Variants in CCDC88C observed in about 807,000 individuals in gnomAD.
CCDC88C encodes protein Daple.
A neutral mutation model predicts 198.8 loss-of-function variants in CCDC88C; 131 were observed. The ratio of observed to expected loss-of-function variants is 0.66; its 90% CI spans 0.57 to 0.76. CCDC88C has a LOEUF of 0.76. Among genes scored for constraint, CCDC88C ranks in the 30% least tolerant of loss-of-function variants. The probability of loss-of-function intolerance (pLI) is 0.00; values close to 1 mark genes in which losing one functional copy is unlikely to be tolerated. For synonymous variants in CCDC88C, 1,166 were observed against 1,114.7 expected, an observed-to-expected ratio of 1.05 and a Z score of -0.92; for missense variants, 2,553 against 2,631.6, an observed-to-expected ratio of 0.97 and a Z score of 0.65.
chr14:91,301,713 T>C (rs1260809004), intron 20 of CCDC88C, among the ~76,000 whole-genome samples: 1 of 152,168 alleles, frequency 6.6e-6, no homozygotes, highest in Non-Finnish European at 1.5e-5. Context: ...TGAGACTCCA[T>C]CTCAAAATAA....
At chr14:91,395,149 T>C (rs907138548) in intron 3 of CCDC88C, among the ~76,000 whole-genome samples, 33 of 152,212 alleles carry the variant, frequency 2.2e-4, no homozygotes, top group African/African-American at 7.7e-4. Context: ...CCATTCGACC[T>C]TGTGCCTCTG....
Position 91,313,062 on chromosome 14 carries a change from C to T in CCDC88C, c.2736+18G>A. 1 of 1,547,748 alleles carries T rather than the reference C, an allele frequency of 6.5e-7. No homozygotes were observed. Among genetic ancestry groups the T allele is most frequent in the Middle Eastern group, 1.7e-4 (1 of 5,752 alleles). On this transcript the variant is annotated intron_variant, in intron 15 of 29. Transcript: ENST00000389857. The surrounding 1 kb of genome is among the most constrained non-coding windows in gnomAD (Gnocchi z 5.2). ...CCATCTGCCAATCCCCTTACAGGCG[C>T]CGCCTGTGTTTGCTCACCTCCCTCA...
In CCDC88C at chr14:91,339,726, G is replaced by T. The variant is rs994907678; in HGVS notation, c.624+158C>A. Among the ~76,000 whole-genome samples the T allele has an allele frequency of 5.9e-5, 9 of 152,228 alleles. No homozygotes were observed. Among genetic ancestry groups the T allele is most frequent in the African/African-American group, 2.2e-4 (9 of 41,456 alleles). On this transcript the variant is annotated intron_variant, in intron 7 of 29. Coordinates refer to ENST00000389857, the MANE Select transcript of CCDC88C (RefSeq NM_001080414.4). The surrounding 1 kb of genome is among the most constrained non-coding windows in gnomAD (Gnocchi z 5.8). ...CCTCCCACAGGCCCGAGGTGACCAT[G>T]CACTGCAGGGGCCGTAACCAGGGAA...
intron 3 of CCDC88C, among the ~76,000 whole-genome samples, chr14:91,395,319 ATTATT>A (rs1365604578): frequency 1.3e-5 from 2 of 152,068 alleles, no homozygotes; most frequent in Non-Finnish European, 2.9e-5. Flanking sequence ...AGCTGTCGCT[ATTATT>A]ATTCACTGAT....
In CCDC88C at chr14:91,313,791, G is replaced by C; in HGVS notation, c.2025C>G (p.Asn675Lys). The C allele has an allele frequency of 1.2e-6, 2 of 1,605,838 alleles. No individual in the cohort carries two copies. Among genetic ancestry groups the C allele is most frequent in the Non-Finnish European group, 1.7e-6 (2 of 1,178,994 alleles). ...EHESQGLQLE[N>K]RTLRKSLDTL... ...TGTCCAGAGACTTCCTCAGAGTCCG[G>C]TTCTCCAGCTGCAGGCCCTGGCTCT... The change falls in exon 15 of 30, where the codon AAC (asparagine) becomes AAG (lysine). Residue 675 changes from asparagine (N) to lysine (K), a missense_variant. Transcript: ENST00000389857. This position sits in a 1 kb window ranked among gnomAD's most constrained non-coding sequence, Gnocchi z 5.2.
chr14:91,312,961 A>T (rs1891902654), intron 15 of CCDC88C, 119 bp downstream of exon 15: 1 of 747,470 alleles, frequency 1.3e-6, no homozygotes, highest in Non-Finnish European at 2.1e-6. Context: ...TGCTGTTTAG[A>T]ATTAGATAAA....
At chr14:91,372,228 T>C (rs183993794) in intron 3 of CCDC88C, among the ~76,000 whole-genome samples, 2 of 150,446 alleles carry the variant, frequency 1.3e-5, no homozygotes, top group Non-Finnish European at 2.9e-5. Flanking sequence ...CCAAGACTGC[T>C]ACCCTCAAAG....
intron 1 of CCDC88C, chr14:91,417,276 G>T: frequency 1.5e-6 from 1 of 687,980 alleles, no homozygotes; most frequent in Non-Finnish European, 2.6e-6. Flanking sequence ...GGGAAGAATG[G>T]GGTCCTTTTC....
chr14:91,282,855 A>G (rs1303680400), intron 26 of CCDC88C, among the ~76,000 whole-genome samples: 1 of 152,204 alleles, frequency 6.6e-6, no homozygotes, highest in Non-Finnish European at 1.5e-5. Context: ...TGAGGCCAGG[A>G]GGTTGAGACC....
intron 2 of CCDC88C, among the ~76,000 whole-genome samples, chr14:91,409,916 T>A (rs547312891): frequency 1.3e-5 from 2 of 152,288 alleles, no homozygotes; most frequent in African/African-American, 4.8e-5. Flanking sequence ...GGGACAAAAA[T>A]CCTATCTTGA....
Position 91,389,761 on chromosome 14 carries a change from G to GA in CCDC88C, c.270+18897dup, listed in dbSNP as rs1007814029. Among the ~76,000 whole-genome samples, 423 of 147,530 alleles carry GA rather than the reference G, an allele frequency of 2.9e-3. 1 individual carries two copies. The highest frequency in any genetic ancestry group is 9.8e-3 in the African/African-American group (391 of 40,086). On this transcript the variant is annotated intron_variant, in intron 3 of 29. Transcript: ENST00000389857. ...AAAGAAAGAAAAAGAACGAAAGAAA[G>GA]AAAAAAAAAGAGGAGAAAAGCTTTT...
At chr14:91,413,599 C>T (rs61988443) in intron 2 of CCDC88C, among the ~76,000 whole-genome samples, 25,711 of 152,186 alleles carry the variant, frequency 0.17, 2,754 homozygotes, top group Non-Finnish European at 0.25. Flanking sequence ...CCTCTCCATC[C>T]AGGCCACTCA....
chr14:91,384,450 A>G, intron 3 of CCDC88C: 1 of 524,554 alleles, frequency 1.9e-6, no homozygotes, highest in South Asian at 1.4e-5. Context: ...TTGGGTTTTG[A>G]TCCTTCTTTG....
At position 91,371,980 on chromosome 14, in the gene CCDC88C, C is replaced by T. The variant is rs1417321475; in HGVS notation, c.271-12269G>A. 6.6e-6 allele frequency among the ~76,000 whole-genome samples: 1 copy of T among 152,174 alleles called. No individual in the cohort carries two copies. Among genetic ancestry groups the T allele is most frequent in the Non-Finnish European group, 1.5e-5 (1 of 68,018 alleles). On this transcript the variant is annotated intron_variant, in intron 3 of 29. Coordinates refer to ENST00000389857, the MANE Select transcript of CCDC88C (RefSeq NM_001080414.4). The surrounding 1 kb of genome is among the most constrained non-coding windows in gnomAD (Gnocchi z 4.2). The stretch of plus-strand genomic sequence containing the variant: ...AAAGGCAGGCAGTGGGGGCAGCCAG[C>T]CCCCAACCTCACGCCCCAACCTGAG...
Position 91,325,735 on chromosome 14 carries a change from T to G in CCDC88C, c.1197+175A>C, listed in dbSNP as rs1411808083. Among the ~76,000 whole-genome samples, 1 of 152,068 alleles carries G rather than the reference T, an allele frequency of 6.6e-6. No individual in the cohort carries two copies. ...ATGGAACTACAGGCTCACACCACCA[T>G]GCCCAATTATTTAGTTTTCGTAGAG... On this transcript the variant is annotated intron_variant, in intron 11 of 29. Coordinates refer to ENST00000389857, the MANE Select transcript of CCDC88C (RefSeq NM_001080414.4). This position sits in a 1 kb window ranked among gnomAD's most constrained non-coding sequence, Gnocchi z 4.1.
At position 91,335,233 on chromosome 14, in the gene CCDC88C, G is replaced by A. The variant is rs1285775; in HGVS notation, c.1050+2772C>T. On this transcript the variant is annotated intron_variant, in intron 10 of 29. Transcript: ENST00000389857. ...GGGCTCGTGCATCAGGCAGACTTGG[G>A]GCCACGTAGCCTGAGTGCTTAAATG... 9.0e-3 allele frequency among the ~76,000 whole-genome samples: 1,366 copies of A among 152,252 alleles called. 24 individuals are homozygous for A. The highest frequency in any genetic ancestry group is 0.022 in the East Asian group (113 of 5,176).
At chr14:91,372,942 G>A (rs1352257950) in intron 3 of CCDC88C, among the ~76,000 whole-genome samples, 2 of 152,148 alleles carry the variant, frequency 1.3e-5, no homozygotes, top group African/African-American at 2.4e-5. Context: ...AGGTTTTGCT[G>A]GGCACTGTGC....
intron 3 of CCDC88C, among the ~76,000 whole-genome samples, chr14:91,400,484 G>A (rs1039092588): frequency 2.0e-5 from 3 of 152,230 alleles, no homozygotes; most frequent in East Asian, 1.9e-4. Context: ...CTGCCGACAT[G>A]GGGACAGAGC....
At chr14:91,299,888 G>A (rs752980015) in intron 21 of CCDC88C, 39 bp downstream of exon 21, 11 of 1,542,564 alleles carry the variant, frequency 7.1e-6, no homozygotes, top group Non-Finnish European at 9.6e-6. Context: ...AACAGAATCT[G>A]GGGTGCTGCT....
Sources: gnomAD v4.1 joint callset for allele counts (sites outside exome capture counted in the v4.1 genomes callset) on GRCh38, gnomAD v4.1.1 for gene constraint, Gnocchi (gnomAD v3.1) non-coding constraint, MANE v1.5 for transcripts, NCBI Gene and HGNC (gene_info 2026-07-23, HGNC 2026-07-21) for gene names.